The following GRM8 variants were observed in gnomAD, a reference collection of about 807,000 sequenced individuals.
GRM8 encodes glutamate metabotropic receptor 8.
In GRM8, 47 loss-of-function variants were observed where a neutral mutation model predicts 87.2. That is an observed-to-expected ratio of 0.54 (90% CI 0.43 to 0.69). The LOEUF (loss-of-function observed/expected upper bound fraction) is 0.69. GRM8 is among the 30% of genes least tolerant of loss of function. The pLI is 0.00. For missense variants in GRM8, 1,019 were observed against 1,139.2 expected, an observed-to-expected ratio of 0.89 and a Z score of 1.52; for synonymous variants, 396 against 404.5, an observed-to-expected ratio of 0.98 and a Z score of 0.25.
chr7:127,179,169 T>G (rs1032639499), intron 2 of GRM8, among the ~76,000 whole-genome samples: 2 of 152,110 alleles, frequency 1.3e-5, no homozygotes, highest in African/African-American at 4.8e-5. Context: ...AGGCATTTCA[T>G]GCAAATGGAC....
intron 3 of GRM8, among the ~76,000 whole-genome samples, chr7:126,992,226 T>A (rs528838483): frequency 6.6e-6 from 1 of 152,298 alleles, no homozygotes; most frequent in East Asian, 1.9e-4. Context: ...CAAGAATGTC[T>A]ACTCTCATTG....
chr7:126,557,588 T>C (rs1340108397), intron 8 of GRM8, among the ~76,000 whole-genome samples: 2 of 152,204 alleles, frequency 1.3e-5, no homozygotes, highest in Non-Finnish European at 2.9e-5. Context: ...TAAAATTCAC[T>C]GTGAGTAAAG....
At chr7:127,186,362 C>T (rs1794736327) in intron 2 of GRM8, among the ~76,000 whole-genome samples, 1 of 152,130 alleles carries the variant, frequency 6.6e-6, no homozygotes, top group African/African-American at 2.4e-5. Context: ...GTCCAATCTG[C>T]CCCAGCAGTC....
intron 2 of GRM8, among the ~76,000 whole-genome samples, chr7:127,171,909 A>T (rs1295178459): frequency 6.6e-6 from 1 of 152,208 alleles, no homozygotes; most frequent in Non-Finnish European, 1.5e-5. Context: ...GTGTTCCATA[A>T]GCAAGTTTGT....
intron 6 of GRM8, among the ~76,000 whole-genome samples, chr7:126,827,283 T>C (rs967796969): frequency 2.0e-5 from 3 of 152,202 alleles, no homozygotes; most frequent in African/African-American, 7.2e-5. Context: ...GGGGATGGCA[T>C]TGAATCTGTA....
chr7:127,221,899 G>T (rs557251046), intron 2 of GRM8, among the ~76,000 whole-genome samples: 1 of 152,170 alleles, frequency 6.6e-6, no homozygotes, highest in African/African-American at 2.4e-5. Flanking sequence ...CCTCCCTCCT[G>T]CCCTCTCAAG....
intron 2 of GRM8, among the ~76,000 whole-genome samples, chr7:127,122,617 A>C (rs1047059410): frequency 2.6e-5 from 4 of 152,100 alleles, no homozygotes; most frequent in Non-Finnish European, 5.9e-5. Context: ...TAAGAAAAAA[A>C]ATGGAGGAGA....
intron 6 of GRM8, among the ~76,000 whole-genome samples, chr7:126,898,041 C>G (rs143051460): frequency 6.6e-6 from 1 of 152,098 alleles, no homozygotes; most frequent in Non-Finnish European, 1.5e-5. Flanking sequence ...CAAATAATTA[C>G]GTTCGCAGAT....
In GRM8 at chr7:127,015,066, A is replaced by AGAAGAG. The variant is rs1454124629; in HGVS notation, c.727+91429_727+91430insCTCTTC. On this transcript the variant is annotated intron_variant, in intron 3 of 10. Coordinates refer to ENST00000339582, the MANE Select transcript of GRM8 (RefSeq NM_000845.3). Reference sequence around the variant, plus strand: ...AAGAAGAAGAAGAAGAAGAAGAAGAAGAAAGAAAGAAGGAGAAGAAGGAGA... The same window carrying AGAAGAG: ...AAGAAGAAGAAGAAGAAGAAGAAGAAGAAGAGGAAAGAAAGAAGGAGAAGAAGGAGA... Among the ~76,000 whole-genome samples the AGAAGAG allele has an allele frequency of 2.7e-3, 285 of 104,510 alleles. 2 individuals carry two copies. The highest frequency in any genetic ancestry group is 8.1e-3 in the African/African-American group (264 of 32,772). The allele number at this position is 104,510 out of a possible 152,430, so 68.6% of individuals were successfully genotyped here.
chr7:126,788,359 G>A (rs563610863), intron 6 of GRM8, among the ~76,000 whole-genome samples: 36 of 121,386 alleles, frequency 3.0e-4, no homozygotes, highest in African/African-American at 1.1e-3. Flanking sequence ...GCAGTGAGCC[G>A]AGAGTATACC....
chr7:126,823,385 C>T (rs1424159751), intron 6 of GRM8, among the ~76,000 whole-genome samples: 2 of 152,210 alleles, frequency 1.3e-5, no homozygotes, highest in East Asian at 1.9e-4. Flanking sequence ...TTAAGATACA[C>T]TGAGCAAACA....
intron 6 of GRM8, among the ~76,000 whole-genome samples, chr7:126,858,638 C>T (rs1296990636): frequency 6.6e-6 from 1 of 152,156 alleles, no homozygotes; most frequent in African/African-American, 2.4e-5. Context: ...TAATGAAGTT[C>T]CCTCTGCTTT....
chr7:126,692,855 C>T (rs886705090), intron 7 of GRM8, among the ~76,000 whole-genome samples: 1 of 152,162 alleles, frequency 6.6e-6, no homozygotes, highest in Non-Finnish European at 1.5e-5. Flanking sequence ...AAAATAATCA[C>T]CTTCCAAATA....
chr7:127,166,796 T>G (rs1329127259), intron 2 of GRM8, among the ~76,000 whole-genome samples: 3 of 152,168 alleles, frequency 2.0e-5, no homozygotes, highest in Non-Finnish European at 2.9e-5. Flanking sequence ...GAAAATATCC[T>G]GGATTGTTCT....
intron 7 of GRM8, among the ~76,000 whole-genome samples, chr7:126,745,597 G>GT (rs11296015): frequency 1.3e-5 from 2 of 151,294 alleles, no homozygotes; most frequent in Admixed American, 6.6e-5. Context: ...TTGCTTTTGG[G>GT]TTTTTTTCCC....
intron 2 of GRM8, among the ~76,000 whole-genome samples, chr7:127,238,065 A>T (rs556552032): frequency 6.6e-6 from 1 of 152,094 alleles, no homozygotes; most frequent in Non-Finnish European, 1.5e-5. Flanking sequence ...AAAACTACAC[A>T]ATCTCTTATG....
intron 7 of GRM8, among the ~76,000 whole-genome samples, chr7:126,719,213 G>T (rs1812100408): frequency 6.6e-6 from 1 of 150,408 alleles, no homozygotes; most frequent in African/African-American, 2.5e-5. Context: ...ATATTGATGG[G>T]ATAAAAGTAT....
At chr7:126,791,765 A>T (rs142355540) in intron 6 of GRM8, among the ~76,000 whole-genome samples, 120 of 152,298 alleles carry the variant, frequency 7.9e-4, no homozygotes, top group African/African-American at 2.8e-3. Flanking sequence ...TCCATTTTTT[A>T]AAAATGCAAC....
intron 9 of GRM8, among the ~76,000 whole-genome samples, chr7:126,467,241 G>A (rs934351603): frequency 1.3e-5 from 2 of 151,368 alleles, no homozygotes; most frequent in East Asian, 2.0e-4. Flanking sequence ...GAGAACATGC[G>A]GTGTTTGGTT....
Sources: allele counts gnomAD v4.1 joint callset (sites outside exome capture counted in the v4.1 genomes callset), GRCh38; gene constraint gnomAD v4.1.1; transcripts MANE v1.5; gene names NCBI Gene and HGNC (gene_info 2026-07-23, HGNC 2026-07-21).